Variants in FGF14 observed in about 807,000 individuals in gnomAD.
The protein encoded by FGF14 is fibroblast growth factor homologous factor 4.
FGF14 carries 5 observed loss-of-function variants against 25.5 expected under a neutral mutation model. The observed-to-expected ratio is 0.20, with a 90% CI of 0.10 to 0.41. The LOEUF is 0.41. FGF14 is among the 10% of genes least tolerant of loss of function. The probability of loss-of-function intolerance (pLI) is 1.00; values close to 1 mark genes in which losing one functional copy is unlikely to be tolerated. For missense variants in FGF14, 222 were observed against 320.1 expected, an observed-to-expected ratio of 0.69 and a Z score of 2.34; for synonymous variants, 138 against 118.3, an observed-to-expected ratio of 1.17 and a Z score of -1.08.
At chr13:101,959,133 C>A (rs764397510) in intron 1 of FGF14, among the ~76,000 whole-genome samples, 18 of 152,158 alleles carry the variant, frequency 1.2e-4, no homozygotes, top group Non-Finnish European at 2.5e-4. Flanking sequence ...GAGTGCACAA[C>A]CTAGATCCCT....
chr13:102,215,735 A>G (rs2050343994), intron 1 of FGF14, among the ~76,000 whole-genome samples: 1 of 152,202 alleles, frequency 6.6e-6, no homozygotes, highest in African/African-American at 2.4e-5. Context: ...CCTTCCTGAG[A>G]TAATATGCTT....
chr13:101,785,622 T>G (rs2039772854), intron 3 of FGF14, among the ~76,000 whole-genome samples: 1 of 152,074 alleles, frequency 6.6e-6, no homozygotes, highest in Non-Finnish European at 1.5e-5. Context: ...TATTTATCTA[T>G]TAACTATTAT....
intron 1 of FGF14, among the ~76,000 whole-genome samples, chr13:102,299,164 G>A (rs1322869423): frequency 6.6e-6 from 1 of 152,092 alleles, no homozygotes; most frequent in African/African-American, 2.4e-5. Flanking sequence ...ATAGCAAGAT[G>A]CTCCAAGGAT....
chr13:101,859,993 A>T (rs925289350), intron 3 of FGF14, among the ~76,000 whole-genome samples: 2 of 152,022 alleles, frequency 1.3e-5, no homozygotes, highest in Non-Finnish European at 2.9e-5. Flanking sequence ...CTCTGAAACA[A>T]TCCAGGTTGG....
At chr13:102,260,251 A>T (rs1594620451) in intron 1 of FGF14, among the ~76,000 whole-genome samples, 1 of 152,236 alleles carries the variant, frequency 6.6e-6, no homozygotes, top group South Asian at 2.1e-4. Flanking sequence ...TCAGATATTT[A>T]TATCTAAAGT....
chr13:102,378,852 T>C (rs2058108757), intron 1 of FGF14, among the ~76,000 whole-genome samples: 1 of 152,048 alleles, frequency 6.6e-6, no homozygotes, highest in Non-Finnish European at 1.5e-5. Flanking sequence ...CTAACAATAA[T>C]TGCAAAGTAA....
intron 1 of FGF14, among the ~76,000 whole-genome samples, chr13:102,282,904 C>A (rs1235154808): frequency 6.6e-6 from 1 of 150,922 alleles, no homozygotes; most frequent in Non-Finnish European, 1.5e-5. Context: ...GTTTTCCAAA[C>A]CTTTTATTAA....
At chr13:102,180,180 C>T (rs527617788) in intron 1 of FGF14, among the ~76,000 whole-genome samples, 78 of 152,252 alleles carry the variant, frequency 5.1e-4, no homozygotes, top group Non-Finnish European at 7.5e-4. Flanking sequence ...AAAGACACAT[C>T]ATATAAAATT....
chr13:101,879,653 G>A (rs1178354449), intron 1 of FGF14, among the ~76,000 whole-genome samples: 1 of 152,104 alleles, frequency 6.6e-6, no homozygotes, highest in Non-Finnish European at 1.5e-5. Context: ...ATACATTAAT[G>A]TATATACATC....
chr13:101,943,337 C>G (rs1345337262), intron 1 of FGF14, among the ~76,000 whole-genome samples: 1 of 152,098 alleles, frequency 6.6e-6, no homozygotes, highest in Non-Finnish European at 1.5e-5. Context: ...GAGGCATGGT[C>G]GAAAGACATG....
intron 1 of FGF14, among the ~76,000 whole-genome samples, chr13:102,325,254 G>A (rs1381736821): frequency 1.3e-5 from 2 of 151,268 alleles, no homozygotes; most frequent in Non-Finnish European, 2.9e-5. Flanking sequence ...TTTTTCCAAA[G>A]AATTTTGAAA....
intron 3 of FGF14, among the ~76,000 whole-genome samples, chr13:101,779,949 A>G (rs568835409): frequency 2.0e-5 from 3 of 152,136 alleles, no homozygotes; most frequent in Non-Finnish European, 4.4e-5. Context: ...AGCAAGTATC[A>G]TGCCTTGAAA....
At chr13:102,028,722 T>C (rs1466528623) in intron 1 of FGF14, among the ~76,000 whole-genome samples, 7 of 152,092 alleles carry the variant, frequency 4.6e-5, no homozygotes, top group African/African-American at 1.7e-4. Context: ...TTTTGTTTTG[T>C]TTTTCATCTT....
chr13:101,937,887 C>T lies in FGF14; in HGVS notation c.209-62591G>A, dbSNP rs111288481. On this transcript the variant is annotated intron_variant, in intron 1 of 4. Coordinates refer to the FGF14 transcript ENST00000376131. ...TGCTGGGATTACAGGCATGAGGCAC[C>T]GTGCCCAGCCCATTTCTGTTATTTA... 4.5e-3 allele frequency among the ~76,000 whole-genome samples: 685 copies of T among 152,218 alleles called. 4 individuals carry two copies. Among genetic ancestry groups the T allele is most frequent in the African/African-American group, 0.016 (645 of 41,532 alleles).
intron 1 of FGF14, among the ~76,000 whole-genome samples, chr13:102,380,815 C>T (rs886088721): frequency 2.0e-5 from 3 of 152,072 alleles, no homozygotes; most frequent in African/African-American, 7.2e-5. Context: ...TAATGAAATG[C>T]CTATGCTTTG....
At chr13:102,161,939 AAAGGT>A (rs1199819048) in intron 1 of FGF14, among the ~76,000 whole-genome samples, 1 of 151,888 alleles carries the variant, frequency 6.6e-6, no homozygotes, top group African/African-American at 2.4e-5. Flanking sequence ...TTTTTATCCT[AAAGGT>A]AAGCAGTAGG....
chr13:101,865,562 A>C (rs1190064654), intron 3 of FGF14, among the ~76,000 whole-genome samples: 2 of 152,118 alleles, frequency 1.3e-5, no homozygotes, highest in Non-Finnish European at 2.9e-5. Flanking sequence ...GATCCCCCAG[A>C]GAACAGGTGC....
intron 1 of FGF14, among the ~76,000 whole-genome samples, chr13:102,255,927 CA>C (rs1372356118): frequency 1.3e-5 from 2 of 152,158 alleles, no homozygotes; most frequent in Admixed American, 6.5e-5. Flanking sequence ...GAAACCTTTA[CA>C]AGGCATGCTT....
chr13:102,375,233 C>T (rs2058010994), intron 1 of FGF14, among the ~76,000 whole-genome samples: 1 of 152,088 alleles, frequency 6.6e-6, no homozygotes, highest in Non-Finnish European at 1.5e-5. Flanking sequence ...ATGAAATCTA[C>T]ATCCATATTG....
Sources: allele counts gnomAD v4.1 joint callset (sites outside exome capture counted in the v4.1 genomes callset), GRCh38; gene constraint gnomAD v4.1.1; transcripts MANE v1.5; gene names NCBI Gene and HGNC (gene_info 2026-07-23, HGNC 2026-07-21).